The following IL1RAPL2 variants were observed in gnomAD, a reference collection of about 807,000 sequenced individuals.
IL1RAPL2 encodes the protein X-linked interleukin-1 receptor accessory protein-like 2.
A neutral mutation model predicts 44.1 loss-of-function variants in IL1RAPL2; 3 were observed. The ratio of observed to expected loss-of-function variants is 0.07; its 90% CI spans 0.03 to 0.18. The LOEUF (loss-of-function observed/expected upper bound fraction) is 0.18, where lower values mean the gene tolerates loss of function less well. Among genes scored for constraint, IL1RAPL2 ranks in the 10% least tolerant of loss-of-function variants. The pLI is 1.00. For missense variants in IL1RAPL2, 391 were observed against 496.4 expected, an observed-to-expected ratio of 0.79 and a Z score of 2.02; for synonymous variants, 181 against 178.8, an observed-to-expected ratio of 1.01 and a Z score of -0.10.
intron 8 of IL1RAPL2, among the ~76,000 whole-genome samples, chrX:105,744,876 T>C (rs1406137679): frequency 1.8e-5 from 2 of 111,810 alleles, no homozygotes; most frequent in Non-Finnish European, 3.8e-5. Flanking sequence ...TCTGTTTCTC[T>C]GCACATACTT....
intron 3 of IL1RAPL2, among the ~76,000 whole-genome samples, chrX:105,204,408 C>G (rs1165061032): frequency 8.9e-6 from 1 of 111,851 alleles, no homozygotes; most frequent in Non-Finnish European, 1.9e-5. Flanking sequence ...TGTCAATGAT[C>G]AAACAGCAAC....
chrX:104,613,139 CT>C (rs774193609), intron 1 of IL1RAPL2, among the ~76,000 whole-genome samples: 9 of 111,999 alleles, frequency 8.0e-5, no homozygotes, highest in African/African-American at 1.9e-4. Context: ...TTGACACCTT[CT>C]TTTCCAAGCT....
At chrX:105,381,960 A>T (rs1404031908) in intron 5 of IL1RAPL2, among the ~76,000 whole-genome samples, 1 of 112,192 alleles carries the variant, frequency 8.9e-6, no homozygotes, top group Non-Finnish European at 1.9e-5. Flanking sequence ...CCTTATACAA[A>T]AATTAATTCA....
chrX:104,965,708 CATGA>C (rs1220951986), intron 2 of IL1RAPL2, among the ~76,000 whole-genome samples: 1 of 111,340 alleles, frequency 9.0e-6, no homozygotes, highest in South Asian at 3.7e-4. Flanking sequence ...GAATCAGAAA[CATGA>C]ATGAAGGAGA....
intron 5 of IL1RAPL2, among the ~76,000 whole-genome samples, chrX:105,455,218 A>G (rs1415114301): frequency 8.9e-6 from 1 of 112,347 alleles, no homozygotes; most frequent in Non-Finnish European, 1.9e-5. Flanking sequence ...AAAATAATTT[A>G]TGGTCTGAAT....
intron 5 of IL1RAPL2, among the ~76,000 whole-genome samples, chrX:105,463,601 C>T (rs1174846002): frequency 3.0e-5 from 3 of 98,948 alleles, no homozygotes; most frequent in Admixed American, 2.2e-4. Flanking sequence ...CACACACACA[C>T]ATGCACGCAT....
chrX:105,471,339 A>G (rs990465545), intron 5 of IL1RAPL2, among the ~76,000 whole-genome samples: 2 of 112,093 alleles, frequency 1.8e-5, no homozygotes, highest in Non-Finnish European at 1.9e-5. Context: ...GCTTTCAACT[A>G]CAACATCTTA....
At chrX:104,668,292 C>G (rs1351326825) in intron 2 of IL1RAPL2, among the ~76,000 whole-genome samples, 2 of 109,663 alleles carry the variant, frequency 1.8e-5, no homozygotes, top group Non-Finnish European at 3.8e-5. Flanking sequence ...CATTCTAGCT[C>G]TGTGCTAGTG....
At chrX:105,306,829 G>A (rs907139605) in intron 5 of IL1RAPL2, among the ~76,000 whole-genome samples, 1 of 111,359 alleles carries the variant, frequency 9.0e-6, no homozygotes, top group African/African-American at 3.3e-5. Context: ...GCTAGACATT[G>A]TAGACCAGGC....
chrX:104,721,877 A>G (rs1328037646), intron 2 of IL1RAPL2, among the ~76,000 whole-genome samples: 1 of 111,589 alleles, frequency 9.0e-6, no homozygotes, highest in African/African-American at 3.2e-5. Flanking sequence ...AAATTCAGCC[A>G]TGTATTTTGA....
intron 5 of IL1RAPL2, among the ~76,000 whole-genome samples, chrX:105,338,845 A>T (rs1476458361): frequency 8.9e-6 from 1 of 111,802 alleles, no homozygotes; most frequent in Non-Finnish European, 1.9e-5. Context: ...CATGACTATA[A>T]TCTCAGCACT....
chrX:105,181,393 C>G (rs2033529495), intron 2 of IL1RAPL2, among the ~76,000 whole-genome samples: 1 of 111,007 alleles, frequency 9.0e-6, no homozygotes, highest in African/African-American at 3.3e-5. Flanking sequence ...TTTTTAGTTC[C>G]TTGAGGTGTA....
At chrX:105,138,269 G>T (rs1473754591) in intron 2 of IL1RAPL2, among the ~76,000 whole-genome samples, 1 of 110,615 alleles carries the variant, frequency 9.0e-6, no homozygotes, top group Non-Finnish European at 1.9e-5. Flanking sequence ...AAATAAATTT[G>T]AAAATATTAT....
rs1481941261 is a variant in IL1RAPL2 at position 105,195,680 on chromosome X, A to C, written c.288A>C (p.Lys96Asn). The C allele has an allele frequency of 8.3e-7, 1 of 1,210,148 alleles. No individual in the cohort carries two copies. Among genetic ancestry groups the C allele is most frequent in the Non-Finnish European group, 1.1e-6 (1 of 894,960 alleles). Residue 96 changes from lysine (K) to asparagine (N), a missense_variant, in exon 3 of 11, where the codon AAA (lysine) becomes AAC (asparagine). By Grantham distance (94) the Lys-to-Asn change is moderately conservative. Around this residue, in one of 2 missense-constraint regions of IL1RAPL2, gnomAD observed 159 missense variants for 251.7 expected, o/e 0.63. Transcript: ENST00000372582. ...TCTTTTCAGAGGTCAGGATGAGCAA[A>C]GAGGAAGATTCAATATGGTTTCACT... ...PIIFSEVRMSKEEDSIWFHSA... is the reference protein window; with the variant it reads ...PIIFSEVRMSNEEDSIWFHSA...
chrX:105,744,112 G>T (rs1343122134), intron 8 of IL1RAPL2, among the ~76,000 whole-genome samples: 2 of 112,020 alleles, frequency 1.8e-5, no homozygotes, highest in African/African-American at 6.5e-5. Context: ...TGAGAGCTTT[G>T]AAGTTTTCAA....
chrX:104,877,496 A>G (rs1485936838), intron 2 of IL1RAPL2, among the ~76,000 whole-genome samples: 1 of 112,752 alleles, frequency 8.9e-6, no homozygotes, highest in Non-Finnish European at 1.9e-5. Context: ...CAATCAAAAA[A>G]GAGAATTTTA....
At chrX:105,418,462 C>T (rs2035750265) in intron 5 of IL1RAPL2, among the ~76,000 whole-genome samples, 1 of 110,946 alleles carries the variant, frequency 9.0e-6, no homozygotes, top group Middle Eastern at 4.7e-3. Context: ...TGACAGATTC[C>T]GTGAGCATCC....
In IL1RAPL2 at chrX:105,026,396, G is replaced by A. The variant is rs778636585; in HGVS notation, c.83-169079G>A. On this transcript the variant is annotated intron_variant, in intron 2 of 10. Transcript: ENST00000372582. ...CAGGTGCTCAAAAGTTTCAGATTTT[G>A]GAAGAAGTAAAATTATACTGCTTTG... Among the ~76,000 whole-genome samples, 3 of 110,124 alleles carry A rather than the reference G, an allele frequency of 2.7e-5. No homozygotes were observed. In the South Asian group the frequency reaches 1.2e-3, roughly 43 times the overall value.
intron 1 of IL1RAPL2, among the ~76,000 whole-genome samples, chrX:104,627,432 T>C (rs1929537071): frequency 1.8e-5 from 2 of 108,545 alleles, no homozygotes; most frequent in Admixed American, 2.0e-4. Flanking sequence ...TGTATACATA[T>C]GTAACAAACC....
Sources: gnomAD v4.1 joint callset for allele counts (sites outside exome capture counted in the v4.1 genomes callset) on GRCh38, gnomAD v4.1.1 for gene constraint, gnomAD v4.1.1 regional missense constraint, MANE v1.5 for transcripts, NCBI Gene and HGNC (gene_info 2026-07-23, HGNC 2026-07-21) for gene names.